AMMECR1: variants seen among roughly 807,000 people sequenced by gnomAD.
AMMECR1 encodes AMMECR nuclear protein 1, also known as nuclear protein AMMECR1.
AMMECR1 carries 3 observed loss-of-function variants against 22.5 expected under a neutral mutation model. That is an observed-to-expected ratio of 0.13 (90% CI 0.06 to 0.35). The LOEUF (loss-of-function observed/expected upper bound fraction) is 0.35. Among genes scored for constraint, AMMECR1 ranks in the 10% least tolerant of loss-of-function variants. The pLI is 1.00. For synonymous variants in AMMECR1, 130 were observed against 116.7 expected (o/e 1.11, Z -0.74); for missense variants, 235 against 278.7 (o/e 0.84, Z 1.12).
rs1263183477 is a variant in AMMECR1, at chrX:110,271,641, G to GT, written c.474-7043_474-7042insA. ...TGAGACAATCTTATAGTTTTTTAGA[G>GT]CCCTAAATTAGATGAGAAAGACTAC... On this transcript the variant is annotated intron_variant, in intron 1 of 5. Coordinates refer to ENST00000262844, the MANE Select transcript of AMMECR1 (RefSeq NM_015365.3). Among the ~76,000 whole-genome samples, 3 of 111,546 alleles carry GT rather than the reference G, an allele frequency of 2.7e-5. No homozygotes were observed. The East Asian group carries it at 8.4e-4, about 31-fold the overall frequency.
chrX:110,378,857 C>T (rs1380854621), intron 2 of AMMECR1, among the ~76,000 whole-genome samples: 2 of 111,124 alleles, frequency 1.8e-5, no homozygotes, highest in Non-Finnish European at 3.8e-5. Flanking sequence ...ACATTAACCT[C>T]TCCTAACAGC....
At chrX:110,390,577 AG>A (rs1300252016) in intron 2 of AMMECR1, among the ~76,000 whole-genome samples, 1 of 111,478 alleles carries the variant, frequency 9.0e-6, no homozygotes, top group African/African-American at 3.3e-5. Context: ...CCACTACTGT[AG>A]ATCCAAAAAA....
chrX:110,435,442 T>G (rs5942927), intron 1 of AMMECR1, among the ~76,000 whole-genome samples: 21,687 of 111,782 alleles, frequency 0.19, 4,891 homozygotes, highest in African/African-American at 0.65. Flanking sequence ...TTCAAGCTCC[T>G]GTCTGTGCAA....
chrX:110,222,345 A>G (rs1421328989), intron 2 of AMMECR1, among the ~76,000 whole-genome samples: 36 of 92,798 alleles, frequency 3.9e-4, no homozygotes, highest in African/African-American at 1.2e-3. Flanking sequence ...CTATCGCAAG[A>G]ACAAAAAACC....
chrX:110,345,625 C>T (rs2068185878), intron 2 of AMMECR1, among the ~76,000 whole-genome samples: 2 of 110,742 alleles, frequency 1.8e-5, no homozygotes, highest in South Asian at 3.9e-4. Context: ...ACTGGGTACT[C>T]TGCTCACTAC....
chrX:110,348,631 T>A (rs1315594139), intron 2 of AMMECR1, among the ~76,000 whole-genome samples: 2 of 112,360 alleles, frequency 1.8e-5, no homozygotes, highest in Non-Finnish European at 3.8e-5. Flanking sequence ...TTAAGAAGAA[T>A]GAGGTAGATT....
At chrX:110,403,038 C>T (rs1283144311) in intron 2 of AMMECR1, among the ~76,000 whole-genome samples, 1 of 111,468 alleles carries the variant, frequency 9.0e-6, no homozygotes, top group Non-Finnish European at 1.9e-5. Context: ...GCTCAGGTGC[C>T]CCTCCCTGTA....
chrX:110,404,593 T>C (rs1361440205), intron 2 of AMMECR1, among the ~76,000 whole-genome samples: 2 of 112,095 alleles, frequency 1.8e-5, no homozygotes, highest in Admixed American at 1.9e-4. Flanking sequence ...TAGGCACCTG[T>C]ATACAAAAAC....
chrX:110,355,088 C>T (rs147292926), intron 2 of AMMECR1, among the ~76,000 whole-genome samples: 3,048 of 111,823 alleles, frequency 0.027, 96 homozygotes, highest in African/African-American at 0.093. Flanking sequence ...TAGAAAATAC[C>T]GGGAAACATG....
chrX:110,229,722 G>A (rs188642743), intron 2 of AMMECR1, among the ~76,000 whole-genome samples: 175 of 112,329 alleles, frequency 1.6e-3, no homozygotes, highest in African/African-American at 5.2e-3. Flanking sequence ...CCCGGGAAGC[G>A]CAAGGTGTTG....
chrX:110,428,124 T>C (rs2068768053), intron 1 of AMMECR1, among the ~76,000 whole-genome samples: 2 of 112,280 alleles, frequency 1.8e-5, no homozygotes, highest in South Asian at 7.4e-4. Flanking sequence ...ACAGTAGATG[T>C]TCCATGATTC....
intron 2 of AMMECR1, among the ~76,000 whole-genome samples, chrX:110,384,801 G>A (rs2148278919): frequency 9.0e-6 from 1 of 110,834 alleles, no homozygotes; most frequent in African/African-American, 3.3e-5. Context: ...TTTCATATTA[G>A]GTGCGAGGTG....
In AMMECR1 at chrX:110,194,388, A is replaced by AATT. The variant is rs1477467196; in HGVS notation, c.*4129_*4131dup. ...CAATAGTTTCTTCAAACTATTAAGC[A>AATT]ATTAAATGTGGAAGGAAGGAGGGCC... On this transcript the variant is annotated 3_prime_UTR_variant, in exon 6 of 6. Coordinates refer to ENST00000262844, the MANE Select transcript of AMMECR1 (RefSeq NM_015365.3). 8.9e-6 allele frequency: 1 copy of AATT among 111,849 alleles called. No individual in the cohort carries two copies. The highest frequency in any genetic ancestry group is 1.9e-5 in the Non-Finnish European group (1 of 53,187). The allele number at this position is 111,849 out of a possible 1,213,427, so 9.2% of individuals were successfully genotyped here. A position where few individuals can be genotyped will look rare whatever the true frequency, so the allele number is the denominator to read the frequency against.
rs147123469 is a variant in AMMECR1, at chrX:110,334,369, C to T, written c.-147-16520G>A. Among the ~76,000 whole-genome samples, 1,047 of 111,859 alleles carry T rather than the reference C, an allele frequency of 9.4e-3. 15 individuals are homozygous for T. The highest frequency in any genetic ancestry group is 0.032 in the African/African-American group (973 of 30,812). Reference sequence around the variant, plus strand: ...TTTTTAAAAACAAAGATAACACCTTCCCTCTACCTTACAGTATTTCTATGA... The same window carrying T: ...TTTTTAAAAACAAAGATAACACCTTTCCTCTACCTTACAGTATTTCTATGA... On this transcript the variant is annotated intron_variant, in intron 2 of 7. Transcript: ENST00000372057.
intron 2 of AMMECR1, among the ~76,000 whole-genome samples, chrX:110,402,011 C>G (rs2068568647): frequency 8.9e-6 from 1 of 112,295 alleles, no homozygotes; most frequent in Non-Finnish European, 1.9e-5. Flanking sequence ...TCAAAGTCTC[C>G]CTTTCCTTTC....
chrX:110,376,448 T>C (rs1481245485), intron 2 of AMMECR1, among the ~76,000 whole-genome samples: 1 of 111,461 alleles, frequency 9.0e-6, no homozygotes, highest in Non-Finnish European at 1.9e-5. Flanking sequence ...CATGGCTCTA[T>C]TCTATTAGCC....
At chrX:110,241,017 G>A (rs988726422) in intron 2 of AMMECR1, among the ~76,000 whole-genome samples, 4 of 111,537 alleles carry the variant, frequency 3.6e-5, no homozygotes, top group African/African-American at 1.3e-4. Context: ...AAATAAATAC[G>A]TTCTTGGAAA....
intron 1 of AMMECR1, among the ~76,000 whole-genome samples, chrX:110,279,590 T>C (rs2067842578): frequency 8.9e-6 from 1 of 111,984 alleles, no homozygotes; most frequent in Non-Finnish European, 1.9e-5. Context: ...GAAACAAATG[T>C]AGTTTTATTA....
chrX:110,387,006 T>C (rs1309670139), intron 2 of AMMECR1, among the ~76,000 whole-genome samples: 2 of 112,437 alleles, frequency 1.8e-5, no homozygotes, highest in Non-Finnish European at 3.8e-5. Context: ...AAAGAATTGC[T>C]ATGGGAACTC....
Sources: allele counts gnomAD v4.1 joint callset (sites outside exome capture counted in the v4.1 genomes callset), GRCh38; gene constraint gnomAD v4.1.1; transcripts MANE v1.5; gene names NCBI Gene and HGNC (gene_info 2026-07-23, HGNC 2026-07-21).